Variants in ZNF704 observed in about 807,000 individuals in gnomAD.
ZNF704 encodes the protein zinc finger protein 704.
A neutral mutation model predicts 44.7 loss-of-function variants in ZNF704; 10 were observed. The ratio of observed to expected loss-of-function variants is 0.22; its 90% confidence interval spans 0.14 to 0.38. The LOEUF is 0.38. ZNF704 is among the 10% of genes least tolerant of loss of function. The pLI, the probability that ZNF704 is intolerant of heterozygous loss-of-function variation, is 1.00. For synonymous variants in ZNF704, 211 were observed against 207.6 expected (o/e 1.02, Z -0.14); for missense variants, 390 against 545.5 (o/e 0.71, Z 2.84).
At chr8:80,734,608 C>T (rs1295459781) in intron 2 of ZNF704, among the ~76,000 whole-genome samples, 1 of 152,152 alleles carries the variant, frequency 6.6e-6, no homozygotes, top group East Asian at 1.9e-4. Context: ...TGTATATTTG[C>T]AGATAAAACC....
At chr8:80,826,603 C>T (rs1458251561) in intron 1 of ZNF704, among the ~76,000 whole-genome samples, 1 of 152,128 alleles carries the variant, frequency 6.6e-6, no homozygotes, top group Admixed American at 6.5e-5. Flanking sequence ...ATACCAAAGC[C>T]GGGCAGAGAC....
At chr8:80,650,980 A>C (rs990022716) in intron 7 of ZNF704, among the ~76,000 whole-genome samples, 21 of 152,216 alleles carry the variant, frequency 1.4e-4, no homozygotes, top group East Asian at 7.7e-4. Context: ...AGCAGAAACT[A>C]TACAAGCCAG....
intron 7 of ZNF704, among the ~76,000 whole-genome samples, chr8:80,649,061 T>C (rs776652968): frequency 2.0e-5 from 3 of 152,212 alleles, no homozygotes; most frequent in Non-Finnish European, 2.9e-5. Flanking sequence ...TTGTAGCATG[T>C]TTTATAAAGC....
chr8:80,770,235 CAGGAT>C (rs1807297791), intron 2 of ZNF704, among the ~76,000 whole-genome samples: 1 of 152,106 alleles, frequency 6.6e-6, no homozygotes, highest in African/African-American at 2.4e-5. Context: ...CTATTAAAAC[CAGGAT>C]AGTGACATTA....
At chr8:80,873,040 C>T (rs916733236) in intron 1 of ZNF704, among the ~76,000 whole-genome samples, 1 of 152,126 alleles carries the variant, frequency 6.6e-6, no homozygotes, top group Non-Finnish European at 1.5e-5. Flanking sequence ...GGAAACTCAT[C>T]GACAATTGTT....
chr8:80,790,637 A>C (rs1807688387), intron 2 of ZNF704, among the ~76,000 whole-genome samples: 1 of 152,108 alleles, frequency 6.6e-6, no homozygotes, highest in African/African-American at 2.4e-5. Flanking sequence ...GGAGTGCAAG[A>C]GCGGGAGGTG....
chr8:80,760,710 T>C (rs1015600228), intron 2 of ZNF704, among the ~76,000 whole-genome samples: 1 of 149,104 alleles, frequency 6.7e-6, no homozygotes, highest in Non-Finnish European at 1.5e-5. Flanking sequence ...GTCTGGGTAA[T>C]TTGTAAAGAA....
At chr8:80,861,977 T>C (rs1809069107) in intron 1 of ZNF704, among the ~76,000 whole-genome samples, 2 of 131,182 alleles carry the variant, frequency 1.5e-5, no homozygotes, top group South Asian at 2.4e-4. Flanking sequence ...TTGAACAAGA[T>C]AGAAAAAAAT....
intron 2 of ZNF704, among the ~76,000 whole-genome samples, chr8:80,797,943 CT>C (rs1234894299): frequency 6.6e-6 from 1 of 152,090 alleles, no homozygotes; most frequent in Non-Finnish European, 1.5e-5. Context: ...CAATTTTTCC[CT>C]CTCACAGCTT....
At chr8:80,812,832 T>C (rs1414663314) in intron 2 of ZNF704, among the ~76,000 whole-genome samples, 1 of 152,216 alleles carries the variant, frequency 6.6e-6, no homozygotes, top group Non-Finnish European at 1.5e-5. Flanking sequence ...CCTTTTTAGA[T>C]AAACAAATGA....
At chr8:80,839,812 G>A (rs1166604967) in intron 1 of ZNF704, among the ~76,000 whole-genome samples, 1 of 151,984 alleles carries the variant, frequency 6.6e-6, no homozygotes, top group African/African-American at 2.4e-5. Context: ...CCTGCCTGTG[G>A]GCTCTGGGCT....
chr8:80,631,260 G>A lies in ZNF704; in HGVS notation c.*10106C>T, dbSNP rs1218963774. The A allele has an allele frequency of 6.6e-6, 1 of 151,958 alleles. No individual in the cohort carries two copies. Among genetic ancestry groups the A allele is most frequent in the African/African-American group, 2.4e-5 (1 of 41,338 alleles). The allele number at this position is 151,958 out of a possible 1,614,324, so 9.4% of individuals were successfully genotyped here. ...AAACTCCGCTGTATATCCCTGAGGG[G>A]TATATTCACACTCTGGCAGCCGCTC... On this transcript the variant is annotated 3_prime_UTR_variant, in exon 9 of 9. Coordinates refer to ENST00000327835, the MANE Select transcript of ZNF704 (RefSeq NM_001033723.3).
At chr8:80,851,914 C>T (rs1808870558) in intron 1 of ZNF704, among the ~76,000 whole-genome samples, 1 of 151,512 alleles carries the variant, frequency 6.6e-6, no homozygotes, top group Non-Finnish European at 1.5e-5. Context: ...CATCATTTTT[C>T]TTTTTTCCAG....
intron 1 of ZNF704, among the ~76,000 whole-genome samples, chr8:80,850,181 T>C (rs1273136026): frequency 3.3e-5 from 5 of 151,408 alleles, no homozygotes. Flanking sequence ...TTACCCATTA[T>C]TTGTTTTATG....
chr8:80,655,462 C>G (rs1198500948), intron 7 of ZNF704, among the ~76,000 whole-genome samples: 1 of 152,088 alleles, frequency 6.6e-6, no homozygotes, highest in Non-Finnish European at 1.5e-5. Flanking sequence ...TTACAGGAAT[C>G]AATCCTAAAT....
rs933879862 is a variant in ZNF704, at chr8:80,630,423, A to G, written c.*10943T>C. On this transcript the variant is annotated 3_prime_UTR_variant, in exon 9 of 9. Coordinates refer to ENST00000327835, the MANE Select transcript of ZNF704 (RefSeq NM_001033723.3). ...CTCCTTTACTTGTTTAGCAGGCACT[A>G]AAAAGCAATGTTTTCTACTGATTGC... The G allele has an allele frequency of 1.3e-5, 2 of 152,260 alleles. No homozygotes were observed. The highest frequency in any genetic ancestry group is 2.4e-5 in the African/African-American group (1 of 41,476). 9.4% of individuals were successfully genotyped at this position (152,260 alleles called of 1,614,324 possible).
chr8:80,669,028 A>C (rs530894480), intron 5 of ZNF704, among the ~76,000 whole-genome samples: 6 of 152,296 alleles, frequency 3.9e-5, no homozygotes, highest in Admixed American at 3.9e-4. Context: ...AGGAAAGCAA[A>C]GTGGTTGCAT....
At chr8:80,812,507 C>T (rs1293153783) in intron 2 of ZNF704, 3 of 152,826 alleles carry the variant, frequency 2.0e-5, no homozygotes, top group Admixed American at 2.0e-4. Context: ...CATCTGGGCG[C>T]TGCTTCCTTT....
intron 7 of ZNF704, among the ~76,000 whole-genome samples, chr8:80,657,906 AG>A (rs112567104): frequency 2.0e-5 from 3 of 152,162 alleles, no homozygotes; most frequent in African/African-American, 7.2e-5. Context: ...TAAAAAATCA[AG>A]GGCACTGAGA....
Sources: gnomAD v4.1 joint callset for allele counts (sites outside exome capture counted in the v4.1 genomes callset) on GRCh38, gnomAD v4.1.1 for gene constraint, MANE v1.5 for transcripts, NCBI Gene and HGNC (gene_info 2026-07-23, HGNC 2026-07-21) for gene names.